Variants in FSTL5 observed in about 807,000 individuals in gnomAD.
FSTL5 encodes follistatin-related protein 5.
Under a neutral mutation model 89.1 loss-of-function variants are expected in FSTL5, and 62 were observed. The observed-to-expected ratio is 0.70, with a 90% CI of 0.57 to 0.86. FSTL5 has a LOEUF of 0.86. Among genes scored for constraint, FSTL5 ranks in the 40% least tolerant of loss-of-function variants. The probability of loss-of-function intolerance (pLI) is 0.00; values close to 1 mark genes in which losing one functional copy is unlikely to be tolerated. For synonymous variants in FSTL5, 383 were observed against 346.2 expected (o/e 1.11, Z -1.18); for missense variants, 1,057 against 1,001.6 (o/e 1.06, Z -0.75).
intron 2 of FSTL5, among the ~76,000 whole-genome samples, chr4:162,096,411 A>G (rs1350584715): frequency 6.6e-6 from 1 of 151,496 alleles, no homozygotes; most frequent in African/African-American, 2.4e-5. Context: ...TATTACTTAT[A>G]TATTGTAATA....
chr4:161,860,248 A>T (rs1176474353), intron 4 of FSTL5, among the ~76,000 whole-genome samples: 1 of 152,104 alleles, frequency 6.6e-6, no homozygotes, highest in Non-Finnish European at 1.5e-5. Flanking sequence ...AGATCGCGCC[A>T]CTGCACTCCA....
rs763242912 is a variant in FSTL5 at position 161,627,177 on chromosome 4, G to A, written c.894+29151C>T. ...GCAGAGAAATCTTTCAAAAAGAGTC[G>A]ATTGATGCAGCAAACTTCACTGTTG... On this transcript the variant is annotated intron_variant, in intron 7 of 15. Coordinates refer to ENST00000306100, the MANE Select transcript of FSTL5 (RefSeq NM_020116.5). Among the ~76,000 whole-genome samples the A allele has an allele frequency of 9.9e-5, 15 of 152,216 alleles. 1 individual carries two copies. Among genetic ancestry groups the A allele is most frequent in the Non-Finnish European group, 5.9e-5 (4 of 68,004 alleles).
intron 10 of FSTL5, among the ~76,000 whole-genome samples, chr4:161,529,047 C>T (rs1363549391): frequency 7.0e-6 from 1 of 142,646 alleles, no homozygotes; most frequent in African/African-American, 2.5e-5. Flanking sequence ...GTATATAATG[C>T]CTTGCAGAGA....
chr4:161,706,478 T>G (rs1024201833), intron 6 of FSTL5, among the ~76,000 whole-genome samples: 1 of 152,064 alleles, frequency 6.6e-6, no homozygotes, highest in African/African-American at 2.4e-5. Context: ...AAGTAATAAG[T>G]GCTAGAAAGA....
chr4:161,863,574 A>C (rs1179061372), intron 4 of FSTL5, among the ~76,000 whole-genome samples: 1 of 152,210 alleles, frequency 6.6e-6, no homozygotes, highest in Non-Finnish European at 1.5e-5. Flanking sequence ...TCATAAACTC[A>C]ACCTGTGTAA....
intron 6 of FSTL5, among the ~76,000 whole-genome samples, chr4:161,677,269 G>C (rs1737338031): frequency 6.6e-6 from 1 of 151,808 alleles, no homozygotes; most frequent in Non-Finnish European, 1.5e-5. Flanking sequence ...GACAGAAAGA[G>C]AGCCCGAGAG....
At chr4:162,134,348 T>C (rs984172563) in intron 1 of FSTL5, among the ~76,000 whole-genome samples, 1 of 152,194 alleles carries the variant, frequency 6.6e-6, no homozygotes, top group Non-Finnish European at 1.5e-5. Context: ...TTTTAAAATA[T>C]GTGATTTCAC....
At position 162,046,949 on chromosome 4, in the gene FSTL5, G is replaced by A. The variant is rs185028552; in HGVS notation, c.127-13291C>T. The stretch of plus-strand genomic sequence containing the variant: ...TGGTTTGTGAATTCCCAGTGACTGA[G>A]AGTAGAGTATGCCTTATCTAGTAAT... On this transcript the variant is annotated intron_variant, in intron 2 of 15. Coordinates refer to ENST00000306100, the MANE Select transcript of FSTL5 (RefSeq NM_020116.5). Among the ~76,000 whole-genome samples the A allele has an allele frequency of 8.5e-5, 13 of 152,254 alleles. No individual in the cohort carries two copies. In the East Asian group the frequency reaches 2.3e-3, roughly 27 times the overall value.
chr4:161,759,456 T>TA lies in FSTL5; in HGVS notation c.681dup (p.Asn228Ter). 4 of 1,597,946 alleles carry TA rather than the reference T, an allele frequency of 2.5e-6. No homozygotes were observed. Among genetic ancestry groups the TA allele is most frequent in the Non-Finnish European group, 3.4e-6 (4 of 1,172,566 alleles). ...TCAAGAGCCAGGTGCTTGTCAGCAT[T>TA]AAAATCATCATATTTCAATAGAACA... On this transcript the variant is annotated frameshift_variant, in exon 6 of 16. Coordinates refer to ENST00000306100, the MANE Select transcript of FSTL5 (RefSeq NM_020116.5). LOFTEE classifies it high-confidence loss of function.
At chr4:161,788,305 C>A (rs1363366505) in intron 4 of FSTL5, among the ~76,000 whole-genome samples, 1 of 152,120 alleles carries the variant, frequency 6.6e-6, no homozygotes, top group Non-Finnish European at 1.5e-5. Flanking sequence ...GTATACTATA[C>A]ATTATTGCTG....
At chr4:161,782,042 T>C (rs1741690770) in intron 4 of FSTL5, among the ~76,000 whole-genome samples, 1 of 152,166 alleles carries the variant, frequency 6.6e-6, no homozygotes, top group Non-Finnish European at 1.5e-5. Context: ...TATGAATGTA[T>C]GTTTCCAGCA....
chr4:161,976,660 T>A (rs1330323216), intron 3 of FSTL5, among the ~76,000 whole-genome samples: 1 of 152,062 alleles, frequency 6.6e-6, no homozygotes, highest in African/African-American at 2.4e-5. Flanking sequence ...TTTTTGTATT[T>A]TTAGTAGAGA....
chr4:162,054,945 C>G (rs1738490754), intron 2 of FSTL5, among the ~76,000 whole-genome samples: 1 of 151,834 alleles, frequency 6.6e-6, no homozygotes, highest in African/African-American at 2.4e-5. Flanking sequence ...TTAATAAAGC[C>G]AATTAGTTAA....
At chr4:161,687,345 T>C (rs1471087159) in intron 6 of FSTL5, among the ~76,000 whole-genome samples, 5 of 152,240 alleles carry the variant, frequency 3.3e-5, no homozygotes, top group African/African-American at 1.2e-4. Context: ...CCCATCTTTA[T>C]ACTATTTCTT....
At chr4:161,994,764 T>G (rs1330922991) in intron 3 of FSTL5, among the ~76,000 whole-genome samples, 1 of 152,238 alleles carries the variant, frequency 6.6e-6, no homozygotes, top group Non-Finnish European at 1.5e-5. Context: ...AAGTTCCTTC[T>G]ACAAGCTGGA....
At chr4:161,424,876 G>C (rs1186530759) in intron 15 of FSTL5, among the ~76,000 whole-genome samples, 1 of 152,216 alleles carries the variant, frequency 6.6e-6, no homozygotes, top group East Asian at 1.9e-4. Flanking sequence ...CATAATAGGA[G>C]AGTCCTCTCT....
intron 4 of FSTL5, among the ~76,000 whole-genome samples, chr4:161,889,834 A>C (rs992564088): frequency 2.0e-5 from 3 of 152,190 alleles, no homozygotes; most frequent in African/African-American, 7.2e-5. Flanking sequence ...CTATTTACAA[A>C]AATTTTTCTC....
intron 4 of FSTL5, among the ~76,000 whole-genome samples, chr4:161,817,896 TGGAGTTG>T (rs1476797721): frequency 2.6e-5 from 4 of 151,914 alleles, no homozygotes; most frequent in Middle Eastern, 3.2e-3. Flanking sequence ...TAAATGATAC[TGGAGTTG>T]GGAGGGAAAG....
chr4:161,951,777 C>A (rs905924051), intron 3 of FSTL5, among the ~76,000 whole-genome samples: 3 of 151,818 alleles, frequency 2.0e-5, no homozygotes, highest in South Asian at 2.1e-4. Flanking sequence ...TAGTTTGCTG[C>A]AAAATTGTTG....
Sources: allele counts gnomAD v4.1 joint callset (sites outside exome capture counted in the v4.1 genomes callset), GRCh38; gene constraint gnomAD v4.1.1; transcripts MANE v1.5; gene names NCBI Gene and HGNC (gene_info 2026-07-23, HGNC 2026-07-21).